Variants in CNTN5 observed in about 807,000 individuals in gnomAD.
CNTN5 encodes contactin-5.
A neutral mutation model predicts 129.1 loss-of-function variants in CNTN5; 77 were observed. The observed-to-expected ratio is 0.60, with a 90% CI of 0.50 to 0.72. The LOEUF (loss-of-function observed/expected upper bound fraction) is 0.72, where lower values mean the gene tolerates loss of function less well. Ranked by LOEUF, CNTN5 falls within the 30% of genes least tolerant of loss-of-function variation. The probability of loss-of-function intolerance (pLI) is 0.00; values close to 1 mark genes in which losing one functional copy is unlikely to be tolerated. For synonymous variants in CNTN5, 509 were observed against 465.6 expected, an observed-to-expected ratio of 1.09 and a Z score of -1.20; for missense variants, 1,478 against 1,328.8, an observed-to-expected ratio of 1.11 and a Z score of -1.75.
intron 3 of CNTN5, among the ~76,000 whole-genome samples, chr11:99,581,987 T>C (rs1217963553): frequency 1.3e-5 from 2 of 152,056 alleles, no homozygotes; most frequent in African/African-American, 2.4e-5. Flanking sequence ...CCATGTTTAG[T>C]ACTTCCTTCA....
intron 9 of CNTN5, among the ~76,000 whole-genome samples, chr11:100,049,598 G>C (rs183118587): frequency 1.2e-4 from 18 of 151,852 alleles, no homozygotes; most frequent in Non-Finnish European, 7.4e-5. Context: ...CAAAAGCAAC[G>C]GCAACAAAAG....
rs1007914140 is a variant in CNTN5 at position 99,223,480 on chromosome 11, C to G, written c.-209-101866C>G. ...TTCTATTTCTTTCTCTCTCTTTTTC[C>G]TAAAGTCAGTAGTAATAAACTGCGC... On this transcript the variant is annotated intron_variant, in intron 1 of 24. Coordinates refer to ENST00000524871, the MANE Select transcript of CNTN5 (RefSeq NM_014361.4). Among the ~76,000 whole-genome samples the G allele has an allele frequency of 3.9e-5, 6 of 151,966 alleles. No homozygotes were observed. In the East Asian group the frequency reaches 1.2e-3, roughly 29 times the overall value.
intron 3 of CNTN5, among the ~76,000 whole-genome samples, chr11:99,609,936 A>C (rs1410063617): frequency 1.3e-5 from 2 of 152,124 alleles, no homozygotes; most frequent in Admixed American, 6.6e-5. Context: ...CTCATGTTCT[A>C]TGTGCCAGGC....
At chr11:99,821,522 AT>A (rs879425186) in intron 4 of CNTN5, among the ~76,000 whole-genome samples, 35 of 150,234 alleles carry the variant, frequency 2.3e-4, no homozygotes, top group East Asian at 9.7e-4. Context: ...TGATTAGACA[AT>A]TTTTTTTTTC....
chr11:100,295,774 C>T (rs888532668), intron 18 of CNTN5, among the ~76,000 whole-genome samples: 1 of 151,054 alleles, frequency 6.6e-6, no homozygotes, highest in Non-Finnish European at 1.5e-5. Flanking sequence ...GGAATGATGT[C>T]CTCAAAGAAG....
rs575980779 is a variant in CNTN5 at position 99,856,990 on chromosome 11, CTCCCTCCT to C, written c.577+11743_577+11750del. On this transcript the variant is annotated intron_variant, in intron 6 of 24. Coordinates refer to ENST00000524871, the MANE Select transcript of CNTN5 (RefSeq NM_014361.4). ...ACTGTCTTCCTCTCCCTGTTACTCC[CTCCCTCCT>C]TCCCTCCTTCCCTCTCTCTCTATCT... Among the ~76,000 whole-genome samples, 1,013 of 151,154 alleles carry C rather than the reference CTCCCTCCT, an allele frequency of 6.7e-3. 13 individuals are homozygous for C. Among genetic ancestry groups the C allele is most frequent in the African/African-American group, 0.023 (958 of 41,110 alleles).
At chr11:99,561,340 G>A (rs1948836671) in intron 3 of CNTN5, among the ~76,000 whole-genome samples, 1 of 151,980 alleles carries the variant, frequency 6.6e-6, no homozygotes, top group Non-Finnish European at 1.5e-5. Context: ...TTGGGTTATA[G>A]TCCAAATAAA....
At chr11:99,373,606 G>A (rs1336832195) in intron 2 of CNTN5, among the ~76,000 whole-genome samples, 3 of 151,160 alleles carry the variant, frequency 2.0e-5, no homozygotes, top group Non-Finnish European at 4.4e-5. Flanking sequence ...CCAGCTACTT[G>A]GGAGGCTGAG....
intron 20 of CNTN5, among the ~76,000 whole-genome samples, chr11:100,305,235 C>G (rs1266751802): frequency 6.6e-6 from 1 of 151,538 alleles, no homozygotes; most frequent in Non-Finnish European, 1.5e-5. Context: ...CTTTTCTAAT[C>G]TGCAAAATGA....
At chr11:100,055,472 A>T (rs996273447) in intron 9 of CNTN5, among the ~76,000 whole-genome samples, 23 of 151,556 alleles carry the variant, frequency 1.5e-4, no homozygotes, top group Non-Finnish European at 2.8e-4. Flanking sequence ...GTAATGGTTT[A>T]TTGGTGAAAA....
intron 17 of CNTN5, among the ~76,000 whole-genome samples, chr11:100,260,166 C>T (rs1432474599): frequency 1.3e-5 from 2 of 152,134 alleles, no homozygotes; most frequent in Non-Finnish European, 2.9e-5. Context: ...ACTGTAAACA[C>T]CTCTTTGCAA....
At chr11:99,648,494 T>C (rs1185004462) in intron 3 of CNTN5, among the ~76,000 whole-genome samples, 1 of 151,934 alleles carries the variant, frequency 6.6e-6, no homozygotes, top group Non-Finnish European at 1.5e-5. Context: ...GCAGTCACTA[T>C]GGAGAACAGT....
At chr11:99,717,047 T>A (rs2134998480) in intron 3 of CNTN5, among the ~76,000 whole-genome samples, 1 of 152,222 alleles carries the variant, frequency 6.6e-6, no homozygotes, top group East Asian at 1.9e-4. Context: ...GTATTCCAAT[T>A]GTTTTTCCTT....
At chr11:100,147,980 C>A (rs1189122590) in intron 13 of CNTN5, among the ~76,000 whole-genome samples, 1 of 152,054 alleles carries the variant, frequency 6.6e-6, no homozygotes, top group Non-Finnish European at 1.5e-5. Flanking sequence ...TAAATTAATT[C>A]TCTGTAAATA....
At chr11:99,540,866 C>T (rs192165377) in intron 2 of CNTN5, among the ~76,000 whole-genome samples, 43 of 152,208 alleles carry the variant, frequency 2.8e-4, no homozygotes, top group South Asian at 1.2e-3. Flanking sequence ...GATAAGTCTA[C>T]GAAGGCAAAT....
intron 2 of CNTN5, among the ~76,000 whole-genome samples, chr11:99,404,012 T>C (rs1369844948): frequency 6.6e-6 from 1 of 152,166 alleles, no homozygotes; most frequent in Non-Finnish European, 1.5e-5. Flanking sequence ...TCTAAAAATA[T>C]TGGCTTTATA....
intron 7 of CNTN5, among the ~76,000 whole-genome samples, chr11:99,939,512 ACT>A (rs1448097714): frequency 6.6e-6 from 1 of 151,990 alleles, no homozygotes; most frequent in Non-Finnish European, 1.5e-5. Context: ...CAACTGAAAA[ACT>A]CTTTTAATGC....
intron 3 of CNTN5, among the ~76,000 whole-genome samples, chr11:99,760,753 A>G (rs1473809582): frequency 6.6e-6 from 1 of 152,086 alleles, no homozygotes; most frequent in African/African-American, 2.4e-5. Flanking sequence ...TTTTCTTGTC[A>G]TATTCCTAAC....
chr11:100,169,413 C>T (rs1372807093), intron 13 of CNTN5, among the ~76,000 whole-genome samples: 1 of 151,904 alleles, frequency 6.6e-6, no homozygotes, highest in Non-Finnish European at 1.5e-5. Context: ...TCTGAATAAT[C>T]TGAGTATTTG....
Sources: gnomAD v4.1 joint callset for allele counts (sites outside exome capture counted in the v4.1 genomes callset) on GRCh38, gnomAD v4.1.1 for gene constraint, MANE v1.5 for transcripts, NCBI Gene and HGNC (gene_info 2026-07-23, HGNC 2026-07-21) for gene names.